The following NAALADL2 variants were observed in gnomAD, a reference collection of about 807,000 sequenced individuals.
NAALADL2 encodes the protein inactive N-acetylated-alpha-linked acidic dipeptidase-like protein 2.
NAALADL2 carries 76 observed loss-of-function variants against 87.2 expected under a neutral mutation model. That is an observed-to-expected ratio of 0.87 (90% CI 0.72 to 1.05). NAALADL2 has a LOEUF of 1.05. Ranked by LOEUF, NAALADL2 falls within the 50% of genes least tolerant of loss-of-function variation. The pLI is 0.00. For missense variants in NAALADL2, 1,089 were observed against 945.8 expected (o/e 1.15, Z -1.99); for synonymous variants, 354 against 331.0 (o/e 1.07, Z -0.75).
chr3:175,413,533 G>A (rs1205897584), intron 5 of NAALADL2, among the ~76,000 whole-genome samples: 1 of 136,414 alleles, frequency 7.3e-6, no homozygotes, highest in Non-Finnish European at 1.5e-5. Context: ...TTGCGCCAAA[G>A]CACTCCAGCC....
At chr3:174,773,160 T>C (rs1714791576) in intron 3 of NAALADL2, among the ~76,000 whole-genome samples, 1 of 152,154 alleles carries the variant, frequency 6.6e-6, no homozygotes, top group South Asian at 2.1e-4. Context: ...AGGATGGGTC[T>C]TGAGAAGTCT....
intron 2 of NAALADL2, among the ~76,000 whole-genome samples, chr3:175,217,480 T>C (rs1039690242): frequency 2.4e-4 from 37 of 152,234 alleles, no homozygotes; most frequent in Admixed American, 2.2e-3. Context: ...CAGCATGATT[T>C]AGTTTGGAAA....
intron 1 of NAALADL2, among the ~76,000 whole-genome samples, chr3:174,897,652 A>G (rs529505162): frequency 6.6e-5 from 10 of 152,310 alleles, no homozygotes; most frequent in African/African-American, 2.4e-4. Flanking sequence ...ATGATCTGGC[A>G]GTCTCACTGC....
chr3:174,616,361 A>T lies in NAALADL2; in HGVS notation c.-115+65724A>T, dbSNP rs1276933648. On this transcript the variant is annotated intron_variant, in intron 2 of 3. Transcript: ENST00000434257. ...GCACACTGAAGACCTTTGAAACATT[A>T]TACCTTATTGTAATTTTAGGTTGTT... 3.3e-5 allele frequency among the ~76,000 whole-genome samples: 5 copies of T among 152,110 alleles called. No individual in the cohort carries two copies. The East Asian group carries it at 9.7e-4, about 29-fold the overall frequency.
At chr3:174,991,471 A>T (rs977032370) in intron 1 of NAALADL2, among the ~76,000 whole-genome samples, 1 of 151,752 alleles carries the variant, frequency 6.6e-6, no homozygotes, top group African/African-American at 2.4e-5. Context: ...GAGACATTTA[A>T]TTTTTTATTT....
intron 13 of NAALADL2, among the ~76,000 whole-genome samples, chr3:175,766,481 T>C (rs994500301): frequency 6.6e-6 from 1 of 152,122 alleles, no homozygotes; most frequent in African/African-American, 2.4e-5. Context: ...AATGAAAATA[T>C]TAGCTGATGA....
intron 1 of NAALADL2, among the ~76,000 whole-genome samples, chr3:174,469,595 A>T (rs1298425619): frequency 2.6e-5 from 4 of 151,610 alleles, no homozygotes; most frequent in Non-Finnish European, 2.9e-5. Flanking sequence ...AGTCCAGTTA[A>T]TTTTTTCTGT....
At chr3:175,682,264 A>G (rs1257949358) in intron 11 of NAALADL2, among the ~76,000 whole-genome samples, 1 of 152,098 alleles carries the variant, frequency 6.6e-6, no homozygotes, top group African/African-American at 2.4e-5. Flanking sequence ...AAAAATTGTT[A>G]TAAAATTTTA....
chr3:175,633,069 C>T (rs1192082573), intron 11 of NAALADL2, among the ~76,000 whole-genome samples: 1 of 151,942 alleles, frequency 6.6e-6, no homozygotes, highest in Non-Finnish European at 1.5e-5. Flanking sequence ...TAAAATGAGA[C>T]AGGCTAAAAG....
intron 3 of NAALADL2, among the ~76,000 whole-genome samples, chr3:175,236,193 T>G (rs4295176): frequency 0.44 from 66,384 of 151,884 alleles, 15,884 homozygotes; most frequent in Non-Finnish European, 0.54. Flanking sequence ...ACATGGGAGA[T>G]GAACCCTTCA....
chr3:175,315,143 C>T (rs1051019032), intron 4 of NAALADL2, among the ~76,000 whole-genome samples: 1 of 152,016 alleles, frequency 6.6e-6, no homozygotes, highest in African/African-American at 2.4e-5. Context: ...GTTGACTGAC[C>T]TTGGGTGTAA....
chr3:175,651,042 T>C (rs1372702138), intron 11 of NAALADL2, among the ~76,000 whole-genome samples: 1 of 152,230 alleles, frequency 6.6e-6, no homozygotes, highest in Non-Finnish European at 1.5e-5. Flanking sequence ...GTATAACTTG[T>C]TATTACAATG....
chr3:175,635,266 AT>A (rs1326033308), intron 11 of NAALADL2, among the ~76,000 whole-genome samples: 2 of 152,056 alleles, frequency 1.3e-5, no homozygotes, highest in African/African-American at 2.4e-5. Flanking sequence ...TTATTACACA[AT>A]ATGTGATTGT....
chr3:174,765,140 AC>A (rs1713624450), intron 3 of NAALADL2, among the ~76,000 whole-genome samples: 1 of 108,656 alleles, frequency 9.2e-6, no homozygotes, highest in African/African-American at 3.3e-5. Flanking sequence ...ACACACACAC[AC>A]ACGAGAGAGA....
chr3:174,893,467 C>T (rs1438096087), intron 1 of NAALADL2, among the ~76,000 whole-genome samples: 6 of 151,980 alleles, frequency 3.9e-5, no homozygotes, highest in Admixed American at 2.0e-4. Context: ...AATGAGGAAC[C>T]AATCAAAAAT....
intron 2 of NAALADL2, among the ~76,000 whole-genome samples, chr3:174,641,761 A>AT (rs11295361): frequency 3.3e-5 from 5 of 151,670 alleles, no homozygotes; most frequent in South Asian, 2.1e-4. Context: ...TTTTTCAGAA[A>AT]TTTTTTTTTG....
chr3:175,375,146 A>T (rs1350011883), intron 5 of NAALADL2, among the ~76,000 whole-genome samples: 3 of 152,142 alleles, frequency 2.0e-5, no homozygotes, highest in African/African-American at 7.2e-5. Flanking sequence ...CTGTTTGTTT[A>T]TTCTTATAGC....
intron 5 of NAALADL2, among the ~76,000 whole-genome samples, chr3:175,420,258 C>G (rs1715461706): frequency 6.6e-6 from 1 of 151,912 alleles, no homozygotes; most frequent in Non-Finnish European, 1.5e-5. Flanking sequence ...ACTATATAGT[C>G]CTGTTTAGAT....
At chr3:175,381,175 GTTA>G (rs576163670) in intron 5 of NAALADL2, among the ~76,000 whole-genome samples, 72 of 151,802 alleles carry the variant, frequency 4.7e-4, no homozygotes, top group Middle Eastern at 5.2e-3. Context: ...ACTTTCTACA[GTTA>G]TTATGGCTGA....
Sources: gnomAD v4.1 joint callset for allele counts (sites outside exome capture counted in the v4.1 genomes callset) on GRCh38, gnomAD v4.1.1 for gene constraint, MANE v1.5 for transcripts, NCBI Gene and HGNC (gene_info 2026-07-23, HGNC 2026-07-21) for gene names.